Variants in LNPEP observed in about 807,000 individuals in gnomAD.
LNPEP encodes the protein leucyl and cystinyl aminopeptidase, also known as leucyl-cystinyl aminopeptidase.
A neutral mutation model predicts 120.6 loss-of-function variants in LNPEP; 64 were observed. The ratio of observed to expected loss-of-function variants is 0.53; its 90% CI spans 0.43 to 0.65. The LOEUF is 0.65. Among genes scored for constraint, LNPEP ranks in the 30% least tolerant of loss-of-function variants. The probability of loss-of-function intolerance (pLI) is 0.00; values close to 1 mark genes in which losing one functional copy is unlikely to be tolerated. For missense variants in LNPEP, 1,057 were observed against 1,200.0 expected, an observed-to-expected ratio of 0.88 and a Z score of 1.76; for synonymous variants, 435 against 425.4, an observed-to-expected ratio of 1.02 and a Z score of -0.28.
chr5:96,955,817 G>A (rs1789455104), intron 1 of LNPEP, among the ~76,000 whole-genome samples: 1 of 152,186 alleles, frequency 6.6e-6, no homozygotes, highest in African/African-American at 2.4e-5. Flanking sequence ...CCCATAAGTC[G>A]ATTGGCTGGG....
intron 1 of LNPEP, among the ~76,000 whole-genome samples, chr5:96,974,992 C>A (rs1789954804): frequency 6.6e-6 from 1 of 152,120 alleles, no homozygotes; most frequent in African/African-American, 2.4e-5. Context: ...ATGACCATAT[C>A]TGCACAGGTG....
intron 13 of LNPEP, among the ~76,000 whole-genome samples, chr5:97,020,152 A>G (rs1287715075): frequency 1.3e-5 from 2 of 152,194 alleles, no homozygotes; most frequent in African/African-American, 4.8e-5. Context: ...CAACTCCACA[A>G]GATGCTTATT....
chr5:96,969,627 G>C (rs79250292), intron 1 of LNPEP, among the ~76,000 whole-genome samples: 1,855 of 152,076 alleles, frequency 0.012, 43 homozygotes, highest in East Asian at 0.071. Context: ...TTTTGGGCCA[G>C]TTTCTAGGAG....
intron 7 of LNPEP, 79 bp downstream of exon 7, chr5:96,996,582 G>A: frequency 1.3e-6 from 1 of 762,306 alleles, no homozygotes; most frequent in Non-Finnish European, 2.3e-6. Flanking sequence ...TATTTTCTGT[G>A]CATCTGGAGT....
At position 97,030,610 on chromosome 5, in the gene LNPEP, C is replaced by CTT. The variant is rs1791448432; in HGVS notation, c.*2078_*2079insTT. 2.8e-5 allele frequency: 2 copies of CTT among 72,244 alleles called. No individual in the cohort carries two copies. The highest frequency in any genetic ancestry group is 9.6e-5 in the African/African-American group (2 of 20,874). 4.5% of individuals were successfully genotyped at this position (72,244 alleles called of 1,614,324 possible). ...TGAATTATATCATTTCTCTCCCTCT[C>CTT]TCTCTCTCTCTGTGTGTGTGTGTGT... On this transcript the variant is annotated 3_prime_UTR_variant, in exon 18 of 18. Transcript: ENST00000231368.
At chr5:97,028,351 A>G (rs1381212134) in intron 17 of LNPEP, 51 bp from the exon 18 acceptor site, 7 of 1,568,848 alleles carry the variant, frequency 4.5e-6, no homozygotes, top group South Asian at 1.1e-5. Context: ...GGGTTACCTG[A>G]GGTTTATCGT....
chr5:96,954,422 C>G (rs1167400389), intron 1 of LNPEP, among the ~76,000 whole-genome samples: 1 of 151,834 alleles, frequency 6.6e-6, no homozygotes, highest in Non-Finnish European at 1.5e-5. Flanking sequence ...ATACAGAAGA[C>G]CTTGTATGGT....
intron 8 of LNPEP, among the ~76,000 whole-genome samples, chr5:96,999,593 A>T (rs1002514873): frequency 6.6e-6 from 1 of 152,136 alleles, no homozygotes; most frequent in Admixed American, 6.6e-5. Context: ...TATTATACCA[A>T]ACTTAGAGCA....
At position 96,979,472 on chromosome 5, in the gene LNPEP, C is replaced by T. The variant is rs369747655; in HGVS notation, c.354C>T (p.Ile118=). 3.8e-5 allele frequency: 61 copies of T among 1,613,950 alleles called. No individual in the cohort carries two copies. Among genetic ancestry groups the T allele is most frequent in the East Asian group, 6.7e-5 (3 of 44,898 alleles). Residue 118 remains isoleucine, a synonymous_variant, in exon 2 of 18, where the codon ATC becomes ATT. Transcript: ENST00000231368. The part of the protein sequence containing the change: ...ARTMVVCAFV[I]VVAVSVIMVI... ...CCATGGTGGTCTGTGCTTTTGTCAT[C>T]GTGGTTGCTGTTTCTGTAATCATGG...
chr5:97,037,193 G>A lies in LNPEP; in HGVS notation c.*8660G>A, dbSNP rs1340704271. On this transcript the variant is annotated 3_prime_UTR_variant, in exon 18 of 18. Coordinates refer to ENST00000231368, the MANE Select transcript of LNPEP (RefSeq NM_005575.3). ...TAGCCTCTTTCAAATACTTTGGAAA[G>A]TAGTTACTTGGAAACTTGTAAAGGT... The A allele has an allele frequency of 6.6e-6, 1 of 152,120 alleles. No individual in the cohort carries two copies. Among genetic ancestry groups the A allele is most frequent in the East Asian group, 1.9e-4 (1 of 5,200 alleles). The allele number at this position is 152,120 out of a possible 1,614,324, so 9.4% of individuals were successfully genotyped here.
At position 97,030,357 on chromosome 5, in the gene LNPEP, A is replaced by G. The variant is rs1189131684; in HGVS notation, c.*1824A>G. On this transcript the variant is annotated 3_prime_UTR_variant, in exon 18 of 18. Transcript: ENST00000231368. ...ATGAATGATAATTTAGTTGATAGTG[A>G]AAGTTAATGTGTTTTTATATTTTTA... The G allele has an allele frequency of 6.6e-6, 1 of 152,148 alleles. No homozygotes were observed. The highest frequency in any genetic ancestry group is 1.5e-5 in the Non-Finnish European group (1 of 68,016). 9.4% of individuals were successfully genotyped at this position (152,148 alleles called of 1,614,324 possible).
At chr5:97,017,887 C>T (rs558912403) in intron 13 of LNPEP, among the ~76,000 whole-genome samples, 1 of 152,290 alleles carries the variant, frequency 6.6e-6, no homozygotes, top group African/African-American at 2.4e-5. Context: ...CCATTCCCCT[C>T]TCCTAACTTC....
At position 97,033,581 on chromosome 5, in the gene LNPEP, A is replaced by C. The variant is rs189229607; in HGVS notation, c.*5048A>C. On this transcript the variant is annotated 3_prime_UTR_variant, in exon 18 of 18. Transcript: ENST00000231368. Reference sequence around the variant, plus strand: ...AAACATGTATATAAATGTTTTTGCTACTTTTCTGTCACTACCTTTCTTACC... The same window carrying C: ...AAACATGTATATAAATGTTTTTGCTCCTTTTCTGTCACTACCTTTCTTACC... The C allele has an allele frequency of 2.0e-5, 3 of 152,144 alleles. No individual in the cohort carries two copies. Among genetic ancestry groups the C allele is most frequent in the Admixed American group, 6.5e-5 (1 of 15,276 alleles). 9.4% of individuals were successfully genotyped at this position (152,144 alleles called of 1,614,324 possible).
intron 1 of LNPEP, among the ~76,000 whole-genome samples, chr5:96,954,142 G>T (rs948925522): frequency 6.6e-6 from 1 of 152,168 alleles, no homozygotes; most frequent in Non-Finnish European, 1.5e-5. Flanking sequence ...CCAAGTTGAA[G>T]TTATCAATAA....
At chr5:96,945,377 G>A (rs1394305102) in intron 1 of LNPEP, among the ~76,000 whole-genome samples, 1 of 148,580 alleles carries the variant, frequency 6.7e-6, no homozygotes, top group Non-Finnish European at 1.5e-5. Context: ...CTGCACTGCA[G>A]CCTGGGCAAG....
At chr5:96,940,107 C>T (rs1353807012) in intron 1 of LNPEP, among the ~76,000 whole-genome samples, 1 of 152,100 alleles carries the variant, frequency 6.6e-6, no homozygotes, top group Admixed American at 6.5e-5. Flanking sequence ...GTTAGCATCA[C>T]TAACAATCTA....
intron 7 of LNPEP, among the ~76,000 whole-genome samples, chr5:96,997,115 T>C (rs1790533098): frequency 6.6e-6 from 1 of 152,048 alleles, no homozygotes; most frequent in Admixed American, 6.6e-5. Flanking sequence ...TTTCCAGTAC[T>C]TAGGGATATT....
intron 11 of LNPEP, chr5:97,011,089 G>T (rs1790913744): frequency 1.0e-5 from 10 of 985,352 alleles, no homozygotes; most frequent in Non-Finnish European, 8.4e-6. Context: ...TATCAACCAA[G>T]GTATTCCGTA....
chr5:97,021,528 A>T (rs1269345916), intron 13 of LNPEP, among the ~76,000 whole-genome samples: 3 of 152,220 alleles, frequency 2.0e-5, no homozygotes, highest in Non-Finnish European at 4.4e-5. Context: ...AACATTAACT[A>T]TCAATAAAGA....
Sources: allele counts gnomAD v4.1 joint callset (sites outside exome capture counted in the v4.1 genomes callset), GRCh38; gene constraint gnomAD v4.1.1; transcripts MANE v1.5; gene names NCBI Gene and HGNC (gene_info 2026-07-23, HGNC 2026-07-21).